ACIN1: variants seen among roughly 807,000 people sequenced by gnomAD.
ACIN1 encodes apoptotic chromatin condensation inducer in the nucleus.
ACIN1 carries 16 observed loss-of-function variants against 146.6 expected under a neutral mutation model. The observed-to-expected ratio is 0.11, with a 90% CI of 0.07 to 0.17. The LOEUF (loss-of-function observed/expected upper bound fraction) is 0.17, where lower values mean the gene tolerates loss of function less well. Among genes scored for constraint, ACIN1 ranks in the 10% least tolerant of loss-of-function variants. The pLI is 1.00. For missense variants in ACIN1, 1,357 were observed against 1,609.3 expected (o/e 0.84, Z 2.68); for synonymous variants, 569 against 582.7 (o/e 0.98, Z 0.34).
rs1241428363 is a variant in ACIN1 at position 23,065,948 on chromosome 14, A to C, written c.2308+18T>G. 24 of 1,611,750 alleles carry C rather than the reference A, an allele frequency of 1.5e-5. No homozygotes were observed. The highest frequency in any genetic ancestry group is 2.0e-5 in the Non-Finnish European group (24 of 1,177,930). The stretch of plus-strand genomic sequence containing the variant: ...ATGGTATTCCTGACTTTTATCAGGG[A>C]TTTGGGGCTGGACTTACAGACAACG... On this transcript the variant is annotated intron_variant, in intron 10 of 18. Coordinates refer to ENST00000605057, the MANE Select transcript of ACIN1 (RefSeq NM_001386863.1).
Position 23,080,040 on chromosome 14 carries a change from G to A in ACIN1, c.1295C>T (p.Ser432Phe). ...LSSPSDTKAE[S>F]PAEKVPEESV... Reference sequence around the variant, plus strand: ...CTCCTCTGGCACTTTCTCTGCTGGAGATTCTGCTTTGGTGTCTGAAGGACT... The same window carrying A: ...CTCCTCTGGCACTTTCTCTGCTGGAAATTCTGCTTTGGTGTCTGAAGGACT... Residue 432 changes from serine to phenylalanine, a missense_variant, in exon 6 of 19, where the codon TCT (serine) becomes TTT (phenylalanine). Ser to Phe is a radical substitution (Grantham distance 155). Coordinates refer to ENST00000605057, the MANE Select transcript of ACIN1 (RefSeq NM_001386863.1). The A allele has an allele frequency of 6.2e-7, 1 of 1,614,180 alleles. No homozygotes were observed. Among genetic ancestry groups the A allele is most frequent in the Non-Finnish European group, 8.5e-7 (1 of 1,180,040 alleles).
chr14:23,073,185 C>A (rs1676083871), intron 8 of ACIN1, among the ~76,000 whole-genome samples: 2 of 152,224 alleles, frequency 1.3e-5, no homozygotes, highest in Admixed American at 6.5e-5. Context: ...CCTTATCACT[C>A]TGTATAATAA....
At chr14:23,059,828 G>C (rs2047214406) in intron 18 of ACIN1, among the ~76,000 whole-genome samples, 1 of 149,792 alleles carries the variant, frequency 6.7e-6, no homozygotes, top group Admixed American at 6.6e-5. Flanking sequence ...TAATTTTTTT[G>C]TATTTTCAGT....
intron 1 of ACIN1, chr14:23,094,591 A>G: frequency 1.0e-6 from 1 of 959,740 alleles, no homozygotes; most frequent in Non-Finnish European, 1.2e-6. Context: ...CTATACCCCT[A>G]ACTCCGACCC....
In ACIN1 at chr14:23,068,562, C is replaced by A. The variant is rs961703700; in HGVS notation, c.2265+914G>T. The A allele has an allele frequency of 9.1e-6, 9 of 985,790 alleles. No homozygotes were observed. Among genetic ancestry groups the A allele is most frequent in the Non-Finnish European group, 8.4e-6 (7 of 829,964 alleles). The allele number at this position is 985,790 out of a possible 1,614,324, so 61.1% of individuals were successfully genotyped here. ...AGACACCTGGATAGCAGACTTGGCT[C>A]TGATTGGGCAGCTCAGTAGCAGCGG... is the stretch of plus-strand genomic sequence containing the variant. On this transcript the variant is annotated intron_variant, in intron 9 of 18. Transcript: ENST00000605057. This position sits in a 1 kb window ranked among gnomAD's most constrained non-coding sequence, Gnocchi z 4.3.
At chr14:23,062,787 T>A (rs1309402782) in intron 14 of ACIN1, 142 bp downstream of exon 14, 1 of 1,089,784 alleles carries the variant, frequency 9.2e-7, no homozygotes, top group East Asian at 2.5e-5. Context: ...TGGGTAAATA[T>A]GTTAAGTAAC....
intron 4 of ACIN1, among the ~76,000 whole-genome samples, chr14:23,082,989 T>C (rs551315167): frequency 3.6e-4 from 54 of 151,846 alleles, no homozygotes; most frequent in African/African-American, 1.2e-3. Flanking sequence ...TCCCCCCGCC[T>C]TGGCCTCCCA....
intron 8 of ACIN1, chr14:23,071,625 A>G (rs2047658088): frequency 4.8e-6 from 7 of 1,461,122 alleles, no homozygotes; most frequent in Non-Finnish European, 6.4e-6. Flanking sequence ...GAGGGGAAAG[A>G]AAAGAGGGAG....
chr14:23,090,498 T>C (rs760946710), intron 3 of ACIN1, 24 bp downstream of exon 3: 28 of 1,606,028 alleles, frequency 1.7e-5, no homozygotes, highest in Non-Finnish European at 2.3e-5. Context: ...GAACTCCTTG[T>C]TAAAAGTGAC....
In ACIN1 at chr14:23,087,089, T is replaced by A. The variant is rs115834959; in HGVS notation, c.436+2893A>T. On this transcript the variant is annotated intron_variant, in intron 4 of 18. Transcript: ENST00000605057. ...AGAAAAATGTTAGTAGGAAACTTAA[T>A]CAAAAATTGTTATTCAAGAGAGAAC... 7.3e-3 allele frequency among the ~76,000 whole-genome samples: 1,106 copies of A among 152,238 alleles called. 17 individuals are homozygous for A. The highest frequency in any genetic ancestry group is 0.025 in the African/African-American group (1,059 of 41,552).
At chr14:23,074,435 CG>C (rs1326035008) in intron 8 of ACIN1, among the ~76,000 whole-genome samples, 1 of 151,788 alleles carries the variant, frequency 6.6e-6, no homozygotes, top group African/African-American at 2.4e-5. Flanking sequence ...GTGTGGCAGC[CG>C]CGTCTATAGT....
chr14:23,060,987 T>C, intron 18 of ACIN1, 97 bp downstream of exon 18: 1 of 1,171,332 alleles, frequency 8.5e-7, no homozygotes, highest in Non-Finnish European at 1.3e-6. Context: ...TAGGAAGTAC[T>C]TGGGCCGACT....
chr14:23,062,885 C>A, intron 14 of ACIN1, 44 bp downstream of exon 14: 1 of 1,567,064 alleles, frequency 6.4e-7, no homozygotes, highest in Non-Finnish European at 8.6e-7. Context: ...AAAGCTCAAA[C>A]TTAACCACTA....
At position 23,079,922 on chromosome 14, in the gene ACIN1, G is replaced by A. The variant is rs1355768740; in HGVS notation, c.1413C>T (p.Leu471=). Residue 471 remains leucine, a synonymous_variant, in exon 6 of 19, where the codon CTC becomes CTT. Coordinates refer to ENST00000605057, the MANE Select transcript of ACIN1 (RefSeq NM_001386863.1). The part of the protein sequence containing the change: ...EPESDRSAQP[L]PLKIEELALA... ...GTGCTAATTCCTCAATTTTTAGAGG[G>A]AGGGGCTGAGCAGATCTGTCTGACT... is the stretch of plus-strand genomic sequence containing the variant. 6.2e-7 allele frequency: 1 copy of A among 1,614,140 alleles called. No homozygotes were observed. The highest frequency in any genetic ancestry group is 1.3e-5 in the African/African-American group (1 of 75,032).
rs924890415 is a variant in ACIN1, at chr14:23,090,057, C to T, written c.361G>A (p.Val121Met). The T allele has an allele frequency of 1.9e-6, 3 of 1,613,806 alleles. No homozygotes were observed. Among genetic ancestry groups the T allele is most frequent in the Non-Finnish European group, 2.5e-6 (3 of 1,179,958 alleles). Residue 121 changes from valine (V) to methionine (M), a missense_variant, in exon 4 of 19, where the codon GTG becomes ATG. Physicochemically the swap from Val to Met is conservative, Grantham distance 21. Transcript: ENST00000605057. ...SEDEMIHPEG[V>M]ASLLPPDFQS... is the part of the protein sequence containing the mutation. ...AAGTCAGGAGGCAGCAGGGAAGCCA[C>T]TCCCTCAGGATGGATCATCTCGTCC...
rs754459448 is a variant in ACIN1 at position 23,068,941 on chromosome 14, G to C, written c.2265+535C>G. 1.0e-6 allele frequency: 1 copy of C among 985,570 alleles called. No homozygotes were observed. Among genetic ancestry groups the C allele is most frequent in the Admixed American group, 6.1e-5 (1 of 16,288 alleles). 61.1% of individuals were successfully genotyped at this position (985,570 alleles called of 1,614,324 possible). ...AACATATGCCAAAAAAGGAGGTAGA[G>C]GGGTCACAGGTAACTGAGAATGGGC... On this transcript the variant is annotated intron_variant, in intron 9 of 18. Transcript: ENST00000605057. This position sits in a 1 kb window ranked among gnomAD's most constrained non-coding sequence, Gnocchi z 4.3.
chr14:23,071,107 G>A, intron 8 of ACIN1: 1 of 1,551,108 alleles, frequency 6.4e-7, no homozygotes, highest in Non-Finnish European at 8.7e-7. Context: ...GGCATACATG[G>A]AAATGTGAAG....
In ACIN1 at chr14:23,068,293, A is replaced by C; in HGVS notation, c.2265+1183T>G. The C allele has an allele frequency of 1.0e-6, 1 of 985,964 alleles. No individual in the cohort carries two copies. 61.1% of individuals were successfully genotyped at this position (985,964 alleles called of 1,614,324 possible). A position where few individuals can be genotyped will look rare whatever the true frequency, so the allele number is the denominator to read the frequency against. ...GGGATCCCAACAGTCTGTAGCAAACAAGGCAACCCACAGTCCTCAAAAGGG... is the reference window on the plus strand; with the variant it reads ...GGGATCCCAACAGTCTGTAGCAAACCAGGCAACCCACAGTCCTCAAAAGGG... On this transcript the variant is annotated intron_variant, in intron 9 of 18. Transcript: ENST00000605057. This position sits in a 1 kb window ranked among gnomAD's most constrained non-coding sequence, Gnocchi z 4.3.
At position 23,095,129 on chromosome 14, in the gene ACIN1, G is replaced by A. The variant is rs567644587; in HGVS notation, c.-17C>T. 1.9e-6 allele frequency: 3 copies of A among 1,614,222 alleles called. No individual in the cohort carries two copies. Among genetic ancestry groups the A allele is most frequent in the African/African-American group, 1.3e-5 (1 of 75,064 alleles). ...CTCCGCCATCTTGCGTGAGGTACTC[G>A]GGTCCGTCCCGACGGCTTCGGGCAT... On this transcript the variant is annotated 5_prime_UTR_variant, in exon 1 of 19. Coordinates refer to ENST00000605057, the MANE Select transcript of ACIN1 (RefSeq NM_001386863.1).
Sources: allele counts gnomAD v4.1 joint callset (sites outside exome capture counted in the v4.1 genomes callset), GRCh38; gene constraint gnomAD v4.1.1; non-coding constraint Gnocchi (gnomAD v3.1); transcripts MANE v1.5; gene names NCBI Gene and HGNC (gene_info 2026-07-23, HGNC 2026-07-21).